Variants in KDSR observed in about 807,000 individuals in gnomAD.
KDSR encodes the protein 3-dehydrosphinganine reductase.
In KDSR, 23 loss-of-function variants were observed where a neutral mutation model predicts 41.3. The ratio of observed to expected loss-of-function variants is 0.56; its 90% CI spans 0.40 to 0.79. The LOEUF (loss-of-function observed/expected upper bound fraction) is 0.79, where lower values mean the gene tolerates loss of function less well. Ranked by LOEUF, KDSR falls within the 30% of genes least tolerant of loss-of-function variation. The pLI, the probability that KDSR is intolerant of heterozygous loss-of-function variation, is 0.00. For synonymous variants in KDSR, 138 were observed against 151.7 expected, an observed-to-expected ratio of 0.91 and a Z score of 0.66; for missense variants, 351 against 416.8, an observed-to-expected ratio of 0.84 and a Z score of 1.37.
Position 63,329,253 on chromosome 18 carries a change from TG to T in KDSR, c.*2528del. 1 of 210,332 alleles carries T rather than the reference TG, an allele frequency of 4.8e-6. No individual in the cohort carries two copies. The highest frequency in any genetic ancestry group is 9.7e-6 in the Non-Finnish European group (1 of 103,478). The allele number at this position is 210,332 out of a possible 1,614,324, so 13.0% of individuals were successfully genotyped here. A position where few individuals can be genotyped will look rare whatever the true frequency, so the allele number is the denominator to read the frequency against. On this transcript the variant is annotated 3_prime_UTR_variant, in exon 10 of 10. Transcript: ENST00000645214. The stretch of plus-strand genomic sequence containing the variant: ...GATGTGTTTCAGAATTCATAATCTT[TG>T]GGGTTTTAAAAAGGCAATATGGGCA...
At chr18:63,352,513 G>A (rs187062458) in intron 5 of KDSR, among the ~76,000 whole-genome samples, 56 of 151,934 alleles carry the variant, frequency 3.7e-4, no homozygotes, top group African/African-American at 1.4e-3. Context: ...ATAGGGTTTC[G>A]CCATGTTGGG....
At chr18:63,366,588 G>A in intron 1 of KDSR, 1 of 158,514 alleles carries the variant, frequency 6.3e-6, no homozygotes, top group Non-Finnish European at 1.4e-5. Flanking sequence ...GCCCGGGGCC[G>A]CGCGCCGCAC....
chr18:63,358,205 T>C (rs1914858465), intron 3 of KDSR, among the ~76,000 whole-genome samples: 1 of 151,726 alleles, frequency 6.6e-6, no homozygotes, highest in African/African-American at 2.4e-5. Context: ...ATAATAATAT[T>C]GAGTGAAGAA....
At position 63,351,053 on chromosome 18, in the gene KDSR, G is replaced by A; in HGVS notation, c.444C>T (p.Gly148=). 1 of 1,613,798 alleles carries A rather than the reference G, an allele frequency of 6.2e-7. No individual in the cohort carries two copies. ...TCACGGCCCGGCTGGGGTACACGCT[G>A]CCCAGGTAATTGATGCTCATTAACC... ...FERLMSINYL[G]SVYPSRAVIT... is the part of the protein sequence containing the mutation. Residue 148 remains glycine, a synonymous_variant, in exon 6 of 10, where the codon GGC becomes GGT. Transcript: ENST00000645214.
chr18:63,353,603 T>C (rs1447696252), intron 5 of KDSR, among the ~76,000 whole-genome samples: 2 of 152,068 alleles, frequency 1.3e-5, no homozygotes, highest in Admixed American at 6.5e-5. Context: ...CGATGATGAA[T>C]AGCTAAACAG....
chr18:63,361,125 C>T (rs1393063636), intron 2 of KDSR, among the ~76,000 whole-genome samples: 11 of 123,834 alleles, frequency 8.9e-5, no homozygotes, highest in Admixed American at 8.2e-4. Context: ...ACCTGTAATC[C>T]CAGGTATTCC....
intron 3 of KDSR, among the ~76,000 whole-genome samples, chr18:63,358,723 G>A (rs1011707479): frequency 6.2e-5 from 9 of 144,538 alleles, no homozygotes; most frequent in Non-Finnish European, 1.0e-4. Context: ...GCTGAGGCAG[G>A]AGAATCGCTT....
chr18:63,357,571 C>CATACATAT (rs1290612849), intron 3 of KDSR, among the ~76,000 whole-genome samples: 1 of 128,622 alleles, frequency 7.8e-6, no homozygotes, highest in African/African-American at 2.9e-5. Flanking sequence ...TACATACATA[C>CATACATAT]ATATATATAT....
chr18:63,357,533 T>C (rs1293832092), intron 3 of KDSR, among the ~76,000 whole-genome samples: 1 of 147,112 alleles, frequency 6.8e-6, no homozygotes, highest in Non-Finnish European at 1.5e-5. Flanking sequence ...TAAAATTATA[T>C]ATATATATAC....
In KDSR at chr18:63,335,277, T is replaced by C. The variant is rs564896316; in HGVS notation, c.859A>G (p.Ile287Val). The change falls in exon 9 of 10, where the codon ATT becomes GTT. Residue 287 changes from isoleucine (I) to valine (V), a missense_variant. Coordinates refer to ENST00000645214, the MANE Select transcript of KDSR (RefSeq NM_002035.4). The part of the protein sequence containing the change: ...LTCGMAPVTS[I>V]TEGLQQVVTM... ...CTTACCTGCTGGAGCCCCTCAGTAA[T>C]AGAAGTTACTGGAGCCATCCCACAG... 25 of 1,612,172 alleles carry C rather than the reference T, an allele frequency of 1.6e-5. No homozygotes were observed. The African/African-American group carries it at 2.3e-4, about 15-fold the overall frequency.
chr18:63,347,446 A>G (rs1014757664), intron 6 of KDSR, among the ~76,000 whole-genome samples: 2 of 144,240 alleles, frequency 1.4e-5, no homozygotes, highest in Non-Finnish European at 3.0e-5. Flanking sequence ...CAGTGAACCG[A>G]GATCACACAA....
intron 8 of KDSR, chr18:63,336,056 A>C (rs1354070113): frequency 6.6e-6 from 1 of 152,188 alleles, no homozygotes; most frequent in Non-Finnish European, 1.5e-5. Flanking sequence ...TTTCGACAGA[A>C]TCTCACTCTG....
chr18:63,341,580 T>A (rs1301916731), intron 7 of KDSR, among the ~76,000 whole-genome samples: 2 of 151,590 alleles, frequency 1.3e-5, no homozygotes, highest in African/African-American at 4.8e-5. Context: ...TGAAATACTT[T>A]GGGAAGAAAG....
intron 3 of KDSR, among the ~76,000 whole-genome samples, chr18:63,356,012 C>T (rs1327415036): frequency 6.6e-6 from 1 of 152,222 alleles, no homozygotes; most frequent in Non-Finnish European, 1.5e-5. Flanking sequence ...TAACCTGCAG[C>T]ATTCTAGTCT....
chr18:63,365,589 G>GGGAT (rs1309513873), intron 1 of KDSR, among the ~76,000 whole-genome samples: 2 of 152,202 alleles, frequency 1.3e-5, no homozygotes, highest in Non-Finnish European at 2.9e-5. Flanking sequence ...GACCTGCCGC[G>GGGAT]GGATGGGGCT....
intron 7 of KDSR, among the ~76,000 whole-genome samples, chr18:63,343,195 T>G (rs1914394820): frequency 6.6e-6 from 1 of 151,992 alleles, no homozygotes; most frequent in African/African-American, 2.4e-5. Context: ...CCTTCCACCT[T>G]AGCCTCCTGA....
chr18:63,328,354 T>A lies in KDSR; in HGVS notation c.*3428A>T, dbSNP rs926556485. The A allele has an allele frequency of 2.9e-5, 4 of 137,386 alleles. No homozygotes were observed. Among genetic ancestry groups the A allele is most frequent in the Non-Finnish European group, 4.7e-5 (3 of 63,538 alleles). 8.5% of individuals were successfully genotyped at this position (137,386 alleles called of 1,614,324 possible). On this transcript the variant is annotated 3_prime_UTR_variant, in exon 10 of 10. Coordinates refer to ENST00000645214, the MANE Select transcript of KDSR (RefSeq NM_002035.4). ...AACAGATCCAGATAAAGATTTTTTT[T>A]CTTTTTTTTTTTTTTTGAGACAGAG...
intron 3 of KDSR, among the ~76,000 whole-genome samples, chr18:63,356,227 G>A (rs577631464): frequency 1.3e-5 from 2 of 152,170 alleles, no homozygotes; most frequent in East Asian, 3.9e-4. Context: ...GTGAAACCCT[G>A]TCTCTACTAA....
At chr18:63,355,826 G>A (rs960758891) in intron 3 of KDSR, among the ~76,000 whole-genome samples, 8 of 152,190 alleles carry the variant, frequency 5.3e-5, no homozygotes, top group Non-Finnish European at 1.0e-4. Flanking sequence ...AGGCAGATCA[G>A]GGGTTGCCCA....
Sources: gnomAD v4.1 joint callset for allele counts (sites outside exome capture counted in the v4.1 genomes callset) on GRCh38, gnomAD v4.1.1 for gene constraint, MANE v1.5 for transcripts, NCBI Gene and HGNC (gene_info 2026-07-23, HGNC 2026-07-21) for gene names.